ADAMTS16: variants seen among roughly 807,000 people sequenced by gnomAD.
The protein encoded by ADAMTS16 is A disintegrin and metalloproteinase with thrombospondin motifs 16.
ADAMTS16 carries 94 observed loss-of-function variants against 145.8 expected under a neutral mutation model. The ratio of observed to expected loss-of-function variants is 0.64; its 90% CI spans 0.55 to 0.77. ADAMTS16 has a LOEUF of 0.77. ADAMTS16 is among the 30% of genes least tolerant of loss of function. The pLI is 0.00. For missense variants in ADAMTS16, 1,585 were observed against 1,591.5 expected (o/e 1.00, Z 0.07); for synonymous variants, 659 against 604.3 (o/e 1.09, Z -1.33).
At chr5:5,309,175 T>C (rs545633317) in intron 21 of ADAMTS16, among the ~76,000 whole-genome samples, 90 of 152,324 alleles carry the variant, frequency 5.9e-4, no homozygotes, top group Non-Finnish European at 6.2e-4. Flanking sequence ...AAGTTCCTGA[T>C]AGAAGATGGC....
intron 18 of ADAMTS16, among the ~76,000 whole-genome samples, chr5:5,263,527 C>T (rs745618900): frequency 3.3e-5 from 5 of 152,356 alleles, no homozygotes; most frequent in African/African-American, 1.2e-4. Context: ...ACTTGGCCTC[C>T]TGAACTCAGC....
intron 3 of ADAMTS16, among the ~76,000 whole-genome samples, chr5:5,164,144 A>G (rs1295701771): frequency 1.3e-5 from 2 of 152,190 alleles, no homozygotes; most frequent in African/African-American, 2.4e-5. Context: ...CCTTCAACCT[A>G]TCAGTCCCGT....
intron 18 of ADAMTS16, among the ~76,000 whole-genome samples, chr5:5,278,427 G>C (rs1432383279): frequency 6.6e-6 from 1 of 152,092 alleles, no homozygotes; most frequent in African/African-American, 2.4e-5. Flanking sequence ...CCTCCGTCCT[G>C]CTTATGTGAT....
Position 5,320,086 on chromosome 5 carries a change from C to CTTTT in ADAMTS16, c.*955_*958dup. ...TTTTTGTGTGTTGTGAGATTTTAAT[C>CTTTT]TTTTTTTTTTCGGTGAGTCTGGCCA... On this transcript the variant is annotated 3_prime_UTR_variant, in exon 23 of 23. Coordinates refer to ENST00000274181, the MANE Select transcript of ADAMTS16 (RefSeq NM_139056.4). This position sits in a 1 kb window ranked among gnomAD's most constrained non-coding sequence, Gnocchi z 5.1. The CTTTT allele has an allele frequency of 3.7e-6, 1 of 270,174 alleles. No individual in the cohort carries two copies. The highest frequency in any genetic ancestry group is 7.1e-6 in the Non-Finnish European group (1 of 140,572). The allele number at this position is 270,174 out of a possible 1,614,324, so 16.7% of individuals were successfully genotyped here. A position where few individuals can be genotyped will look rare whatever the true frequency, so the allele number is the denominator to read the frequency against.
chr5:5,158,999 G>T (rs549468569), intron 3 of ADAMTS16, among the ~76,000 whole-genome samples: 1 of 152,322 alleles, frequency 6.6e-6, no homozygotes, highest in African/African-American at 2.4e-5. Context: ...ACCCAAAGCC[G>T]AAAGGCTGGC....
Position 5,235,286 on chromosome 5 carries a change from C to T in ADAMTS16, c.2023+100C>T, listed in dbSNP as rs943296506. The T allele has an allele frequency of 6.4e-6, 8 of 1,253,058 alleles. No homozygotes were observed. The Middle Eastern group carries it at 9.2e-4, about 144-fold the overall frequency. The allele number at this position is 1,253,058 out of a possible 1,614,324, so 77.6% of individuals were successfully genotyped here. On this transcript the variant is annotated intron_variant, in intron 13 of 22. Transcript: ENST00000274181. ...GAGTGTGGTGCACAAATAAACCAGA[C>T]GTCGCTCTGGGAGGTGAGGGTCGCA...
At chr5:5,248,959 C>G (rs1737539788) in intron 17 of ADAMTS16, among the ~76,000 whole-genome samples, 1 of 152,194 alleles carries the variant, frequency 6.6e-6, no homozygotes, top group Non-Finnish European at 1.5e-5. Flanking sequence ...ATCTGCTCAT[C>G]TATCTATGTA....
At chr5:5,154,826 G>T (rs964338218) in intron 3 of ADAMTS16, among the ~76,000 whole-genome samples, 2 of 152,162 alleles carry the variant, frequency 1.3e-5, no homozygotes, top group African/African-American at 2.4e-5. Flanking sequence ...AGTTTAAAAG[G>T]ATAGTTTGGA....
chr5:5,307,448 T>G (rs1279664981), intron 21 of ADAMTS16, among the ~76,000 whole-genome samples: 1 of 152,198 alleles, frequency 6.6e-6, no homozygotes, highest in East Asian at 1.9e-4. Context: ...GCAGAGGCCC[T>G]GGCTCTGATT....
intron 17 of ADAMTS16, among the ~76,000 whole-genome samples, chr5:5,252,075 T>G (rs1292885618): frequency 6.6e-6 from 1 of 152,168 alleles, no homozygotes; most frequent in Admixed American, 6.5e-5. Flanking sequence ...GGTCTTGATC[T>G]CCTGACTTCG....
intron 3 of ADAMTS16, among the ~76,000 whole-genome samples, chr5:5,155,177 T>C (rs1734570219): frequency 6.6e-6 from 1 of 152,120 alleles, no homozygotes; most frequent in Admixed American, 6.5e-5. Flanking sequence ...ATGTTACCTT[T>C]TAAGAAGGAA....
At position 5,206,522 on chromosome 5, in the gene ADAMTS16, C is replaced by T. The variant is rs150427511; in HGVS notation, c.1452-2571C>T. On this transcript the variant is annotated intron_variant, in intron 9 of 22. Transcript: ENST00000274181. The stretch of plus-strand genomic sequence containing the variant: ...TGAAATGGAGTCTCACTCTGTTACC[C>T]GGACTGGAGTGCAGTGGTATGATCT... Among the ~76,000 whole-genome samples, 596 of 150,386 alleles carry T rather than the reference C, an allele frequency of 4.0e-3. 4 individuals carry two copies. The highest frequency in any genetic ancestry group is 0.011 in the African/African-American group (432 of 40,982).
At chr5:5,146,042 G>A (rs1397780291) in intron 2 of ADAMTS16, 88 bp from the exon 3 acceptor site, 1 of 1,161,092 alleles carries the variant, frequency 8.6e-7, no homozygotes, top group South Asian at 1.5e-5. Context: ...GAAAGGTCAT[G>A]TGGTAAAATA....
At chr5:5,208,991 T>C (rs1172894059) in intron 9 of ADAMTS16, 102 bp from the exon 10 acceptor site, 2 of 1,334,542 alleles carry the variant, frequency 1.5e-6, no homozygotes, top group East Asian at 4.7e-5. Flanking sequence ...GTATACACAA[T>C]ATATGTTGTA....
chr5:5,199,866 C>T (rs1735908594), intron 8 of ADAMTS16, among the ~76,000 whole-genome samples: 1 of 152,174 alleles, frequency 6.6e-6, no homozygotes, highest in Admixed American at 6.5e-5. Flanking sequence ...AGTCCCTCCA[C>T]CCCATTCAAT....
At chr5:5,242,000 C>T in intron 16 of ADAMTS16, 53 bp from the exon 17 acceptor site, 1 of 1,601,698 alleles carries the variant, frequency 6.2e-7, no homozygotes, top group South Asian at 1.1e-5. Context: ...TTAGCATGTA[C>T]TTGCTGGTTT....
At chr5:5,286,633 C>G (rs767156814) in intron 18 of ADAMTS16, among the ~76,000 whole-genome samples, 1 of 151,948 alleles carries the variant, frequency 6.6e-6, no homozygotes, top group Admixed American at 6.6e-5. Context: ...CTGAGGTGGG[C>G]AGATCACAAG....
chr5:5,172,050 T>C (rs1398464031), intron 3 of ADAMTS16, among the ~76,000 whole-genome samples: 1 of 152,158 alleles, frequency 6.6e-6, no homozygotes, highest in Non-Finnish European at 1.5e-5. Flanking sequence ...CCAATTAGCA[T>C]ATAGCTGTTC....
At chr5:5,177,352 A>T (rs771589190) in intron 3 of ADAMTS16, among the ~76,000 whole-genome samples, 1 of 152,160 alleles carries the variant, frequency 6.6e-6, no homozygotes, top group African/African-American at 2.4e-5. Flanking sequence ...TGAAGCCTGG[A>T]CTTCTTTGGG....
Sources: allele counts gnomAD v4.1 joint callset (sites outside exome capture counted in the v4.1 genomes callset), GRCh38; gene constraint gnomAD v4.1.1; non-coding constraint Gnocchi (gnomAD v3.1); transcripts MANE v1.5; gene names NCBI Gene and HGNC (gene_info 2026-07-23, HGNC 2026-07-21).